Variants in GRIK4 observed in about 807,000 individuals in gnomAD.
The protein encoded by GRIK4 is glutamate receptor ionotropic, kainate 4.
A neutral mutation model predicts 104.9 loss-of-function variants in GRIK4; 40 were observed. That is an observed-to-expected ratio of 0.38 (90% CI 0.30 to 0.50). The LOEUF (loss-of-function observed/expected upper bound fraction) is 0.50, where lower values mean the gene tolerates loss of function less well. Ranked by LOEUF, GRIK4 falls within the 20% of genes least tolerant of loss-of-function variation. The probability of loss-of-function intolerance (pLI) is 0.93; values close to 1 mark genes in which losing one functional copy is unlikely to be tolerated. For missense variants in GRIK4, 1,047 were observed against 1,308.1 expected (o/e 0.80, Z 3.08); for synonymous variants, 485 against 524.9 (o/e 0.92, Z 1.04).
intron 1 of GRIK4, among the ~76,000 whole-genome samples, chr11:120,572,724 C>T (rs1412839434): frequency 6.6e-6 from 1 of 152,232 alleles, no homozygotes; most frequent in African/African-American, 2.4e-5. Flanking sequence ...CTGCTTTAGC[C>T]ATAAGCTTCA....
chr11:120,708,722 C>T lies in GRIK4; in HGVS notation c.82+48322C>T, dbSNP rs536298020. On this transcript the variant is annotated intron_variant, in intron 3 of 20. Transcript: ENST00000527524. Reference sequence around the variant, plus strand: ...TCGGGCTGGGCCAGAACGCAGTTGCCGAGACCTGCTGTCTTCCTGATACTC... The same window carrying T: ...TCGGGCTGGGCCAGAACGCAGTTGCTGAGACCTGCTGTCTTCCTGATACTC... Among the ~76,000 whole-genome samples the T allele has an allele frequency of 9.9e-5, 15 of 152,280 alleles. No homozygotes were observed. In the Middle Eastern group the frequency reaches 0.017, roughly 173 times the overall value.
chr11:120,553,655 C>T (rs558342922), intron 1 of GRIK4, among the ~76,000 whole-genome samples: 1 of 152,194 alleles, frequency 6.6e-6, no homozygotes, highest in Non-Finnish European at 1.5e-5. Context: ...TGCACTTGGC[C>T]TCCTCAGGGC....
intron 1 of GRIK4, chr11:120,514,926 T>C (rs772922828): frequency 2.2e-6 from 1 of 455,700 alleles, no homozygotes; most frequent in Non-Finnish European, 4.4e-6. Flanking sequence ...GAAAGCTTCC[T>C]TGTTGGGCCT....
chr11:120,609,349 C>T (rs931181307), intron 1 of GRIK4, among the ~76,000 whole-genome samples: 1 of 151,502 alleles, frequency 6.6e-6, no homozygotes, highest in African/African-American at 2.4e-5. Context: ...AACTCCTGGG[C>T]TCCTCTGATC....
chr11:120,743,529 A>T (rs1565326768), intron 3 of GRIK4, among the ~76,000 whole-genome samples: 1 of 152,168 alleles, frequency 6.6e-6, no homozygotes, highest in African/African-American at 2.4e-5. Context: ...CTGTTATGTG[A>T]GTTTACTTAT....
chr11:120,592,912 G>C (rs945529107), intron 1 of GRIK4, among the ~76,000 whole-genome samples: 1 of 152,172 alleles, frequency 6.6e-6, no homozygotes, highest in Non-Finnish European at 1.5e-5. Context: ...GCTGGGTGTG[G>C]TGGTTCACAC....
chr11:120,843,498 A>G (rs1242113564), intron 8 of GRIK4, among the ~76,000 whole-genome samples: 1 of 152,218 alleles, frequency 6.6e-6, no homozygotes, highest in African/African-American at 2.4e-5. Flanking sequence ...CCTGCTACTA[A>G]CTAGCTGGGT....
intron 19 of GRIK4, among the ~76,000 whole-genome samples, chr11:120,973,548 A>T (rs953112690): frequency 1.3e-5 from 2 of 152,220 alleles, no homozygotes; most frequent in Non-Finnish European, 2.9e-5. Flanking sequence ...AGCTATATTA[A>T]TAAGAGGCAA....
intron 1 of GRIK4, among the ~76,000 whole-genome samples, chr11:120,533,017 A>G (rs576361331): frequency 1.4e-4 from 22 of 152,272 alleles, no homozygotes; most frequent in African/African-American, 5.1e-4. Context: ...AGATGATGCA[A>G]TGCGGTGTGA....
At chr11:120,548,761 C>T (rs954441870) in intron 1 of GRIK4, among the ~76,000 whole-genome samples, 9 of 152,148 alleles carry the variant, frequency 5.9e-5, no homozygotes, top group Admixed American at 5.9e-4. Flanking sequence ...TACCCCAGCT[C>T]CGAGACCCCT....
chr11:120,625,744 G>C (rs567679260), intron 1 of GRIK4, among the ~76,000 whole-genome samples: 1 of 151,944 alleles, frequency 6.6e-6, no homozygotes, highest in Non-Finnish European at 1.5e-5. Context: ...CACGTGTTTG[G>C]GGGGAGGGTG....
At chr11:120,587,034 C>T (rs1050940741) in intron 1 of GRIK4, among the ~76,000 whole-genome samples, 1 of 152,186 alleles carries the variant, frequency 6.6e-6, no homozygotes, top group Non-Finnish European at 1.5e-5. Flanking sequence ...GTTAGAGAGG[C>T]ATTTTTATTG....
intron 2 of GRIK4, among the ~76,000 whole-genome samples, chr11:120,654,939 A>G (rs1949680976): frequency 6.6e-6 from 1 of 152,024 alleles, no homozygotes; most frequent in South Asian, 2.1e-4. Flanking sequence ...GGCATATATT[A>G]CTGTGATTCC....
chr11:120,789,908 G>A (rs143324573), intron 3 of GRIK4, among the ~76,000 whole-genome samples: 26 of 152,226 alleles, frequency 1.7e-4, no homozygotes, highest in African/African-American at 5.5e-4. Context: ...CCTAAAACTT[G>A]CCCCACCACC....
intron 3 of GRIK4, among the ~76,000 whole-genome samples, chr11:120,709,785 A>C (rs1950692965): frequency 6.6e-6 from 1 of 152,156 alleles, no homozygotes; most frequent in Non-Finnish European, 1.5e-5. Context: ...AGAGAGTCCC[A>C]GTTTTTCTGA....
At chr11:120,889,168 G>T (rs1199898076) in intron 11 of GRIK4, among the ~76,000 whole-genome samples, 2 of 152,186 alleles carry the variant, frequency 1.3e-5, no homozygotes, top group Non-Finnish European at 2.9e-5. Context: ...AGTCTCCTCT[G>T]TGAATGAAAC....
intron 1 of GRIK4, among the ~76,000 whole-genome samples, chr11:120,633,305 T>G (rs1949353949): frequency 6.6e-6 from 1 of 152,104 alleles, no homozygotes; most frequent in Admixed American, 6.5e-5. Context: ...ACACAGTGAG[T>G]GCAGGGCCAG....
intron 3 of GRIK4, among the ~76,000 whole-genome samples, chr11:120,746,700 T>G (rs1951445483): frequency 6.6e-6 from 1 of 152,132 alleles, no homozygotes; most frequent in South Asian, 2.1e-4. Context: ...CAAGAAATAT[T>G]CATGAGCTGC....
intron 3 of GRIK4, among the ~76,000 whole-genome samples, chr11:120,716,873 A>G (rs887745421): frequency 6.6e-6 from 1 of 152,182 alleles, no homozygotes; most frequent in Admixed American, 6.5e-5. Flanking sequence ...GTTCTGCAGC[A>G]TGATTGTCCC....
Sources: gnomAD v4.1 joint callset for allele counts (sites outside exome capture counted in the v4.1 genomes callset) on GRCh38, gnomAD v4.1.1 for gene constraint, MANE v1.5 for transcripts, NCBI Gene and HGNC (gene_info 2026-07-23, HGNC 2026-07-21) for gene names.